The following FRMD4A variants were observed in gnomAD, a reference collection of about 807,000 sequenced individuals.
FRMD4A encodes the protein FERM domain containing 4A, also known as FERM domain-containing protein 4A.
A neutral mutation model predicts 129.1 loss-of-function variants in FRMD4A; 29 were observed. The observed-to-expected ratio is 0.22, with a 90% confidence interval of 0.17 to 0.31. FRMD4A has a LOEUF of 0.31. Ranked by LOEUF, FRMD4A falls within the 10% of genes least tolerant of loss-of-function variation. The pLI is 1.00. For synonymous variants in FRMD4A, 634 were observed against 571.6 expected, an observed-to-expected ratio of 1.11 and a Z score of -1.56; for missense variants, 1,272 against 1,375.8, an observed-to-expected ratio of 0.92 and a Z score of 1.19.
rs895907673 is a variant in FRMD4A at position 13,867,934 on chromosome 10, A to T, written c.46-9022T>A. On this transcript the variant is annotated intron_variant, in intron 2 of 24. Coordinates refer to ENST00000357447, the MANE Select transcript of FRMD4A (RefSeq NM_018027.5). ...TAATATAATATATAATAAATAATATATATATAATAAATACTATATATGTTT... is the reference window on the plus strand; with the variant it reads ...TAATATAATATATAATAAATAATATTTATATAATAAATACTATATATGTTT... 1.5e-4 allele frequency among the ~76,000 whole-genome samples: 22 copies of T among 143,976 alleles called. No homozygotes were observed. In the South Asian group the frequency reaches 3.8e-3, roughly 25 times the overall value. 94.5% of individuals were successfully genotyped at this position (143,976 alleles called of 152,430 possible).
intron 8 of FRMD4A, among the ~76,000 whole-genome samples, chr10:13,757,780 G>T (rs1346637246): frequency 1.3e-5 from 2 of 152,118 alleles, no homozygotes; most frequent in African/African-American, 2.4e-5. Context: ...TTTTGCTCTT[G>T]TCACCCAGGC....
intron 22 of FRMD4A, among the ~76,000 whole-genome samples, chr10:13,656,119 C>T (rs2082120284): frequency 6.6e-6 from 1 of 152,100 alleles, no homozygotes; most frequent in Non-Finnish European, 1.5e-5. Flanking sequence ...CAGGAGCAGC[C>T]AGGAATTCTG....
chr10:14,148,072 T>G (rs575600598), intron 2 of FRMD4A, among the ~76,000 whole-genome samples: 4 of 152,314 alleles, frequency 2.6e-5, no homozygotes, highest in African/African-American at 9.6e-5. Context: ...TCTCATTCCC[T>G]TAAGAGGAAA....
intron 2 of FRMD4A, among the ~76,000 whole-genome samples, chr10:14,268,232 C>T (rs1845045874): frequency 6.6e-6 from 1 of 152,184 alleles, no homozygotes; most frequent in African/African-American, 2.4e-5. Flanking sequence ...TAATGGTCAA[C>T]TTATGGCACA....
chr10:14,131,911 C>T (rs1280374318), intron 2 of FRMD4A, among the ~76,000 whole-genome samples: 1 of 152,162 alleles, frequency 6.6e-6, no homozygotes, highest in Non-Finnish European at 1.5e-5. Context: ...ATCGCCCTGA[C>T]CGAAGACCCC....
chr10:13,712,877 T>C (rs1039906785), intron 12 of FRMD4A, among the ~76,000 whole-genome samples: 4 of 152,204 alleles, frequency 2.6e-5, no homozygotes, highest in African/African-American at 4.8e-5. Context: ...AGTTACTGGT[T>C]TCTATTAGAT....
At chr10:14,206,648 C>T (rs574026218) in intron 2 of FRMD4A, among the ~76,000 whole-genome samples, 2 of 149,666 alleles carry the variant, frequency 1.3e-5, no homozygotes, top group African/African-American at 4.9e-5. Flanking sequence ...AAAATAAATA[C>T]AAAAAAAAAT....
chr10:14,024,048 T>G (rs977969776), intron 2 of FRMD4A, among the ~76,000 whole-genome samples: 2 of 152,240 alleles, frequency 1.3e-5, no homozygotes, highest in African/African-American at 4.8e-5. Flanking sequence ...CTGAAGCTGC[T>G]TTGATCTCTT....
chr10:13,916,070 A>G (rs1411041274), intron 2 of FRMD4A, among the ~76,000 whole-genome samples: 1 of 152,238 alleles, frequency 6.6e-6, no homozygotes, highest in East Asian at 1.9e-4. Flanking sequence ...AATGGCACTG[A>G]CGGCAGGTCA....
At chr10:13,908,603 A>G (rs12242175) in intron 2 of FRMD4A, among the ~76,000 whole-genome samples, 6,513 of 152,276 alleles carry the variant, frequency 0.043, 470 homozygotes, top group African/African-American at 0.15. Context: ...TCCAGCTGAG[A>G]GACAAGTTAC....
intron 5 of FRMD4A, among the ~76,000 whole-genome samples, chr10:13,783,956 A>C (rs965875349): frequency 1.3e-5 from 2 of 152,218 alleles, no homozygotes; most frequent in Admixed American, 6.5e-5. Context: ...CTTTAATGAG[A>C]TAATGCGCTT....
At chr10:13,962,789 G>T (rs2131363360) in intron 2 of FRMD4A, among the ~76,000 whole-genome samples, 1 of 152,292 alleles carries the variant, frequency 6.6e-6, no homozygotes, top group African/African-American at 2.4e-5. Flanking sequence ...GCATATGGCG[G>T]GAGAGACAGA....
intron 2 of FRMD4A, among the ~76,000 whole-genome samples, chr10:14,104,126 T>C (rs1837454836): frequency 6.6e-6 from 1 of 152,162 alleles, no homozygotes; most frequent in Non-Finnish European, 1.5e-5. Flanking sequence ...CATCAAGGTC[T>C]ACACTGCCAT....
At chr10:14,111,231 C>T (rs1372349460) in intron 2 of FRMD4A, among the ~76,000 whole-genome samples, 1 of 152,138 alleles carries the variant, frequency 6.6e-6, no homozygotes, top group East Asian at 1.9e-4. Flanking sequence ...AAGTGGAATC[C>T]TACATTATTT....
chr10:14,121,532 G>C (rs1838517869), intron 2 of FRMD4A, among the ~76,000 whole-genome samples: 1 of 152,134 alleles, frequency 6.6e-6, no homozygotes, highest in Non-Finnish European at 1.5e-5. Flanking sequence ...TTTAAAAGAG[G>C]GGCTATCAGC....
intron 2 of FRMD4A, among the ~76,000 whole-genome samples, chr10:14,284,640 G>T (rs1003759170): frequency 6.6e-6 from 1 of 152,168 alleles, no homozygotes; most frequent in African/African-American, 2.4e-5. Context: ...GCGACAGAGG[G>T]AAACTCCGTC....
At chr10:13,823,561 T>C (rs1319378138) in intron 3 of FRMD4A, among the ~76,000 whole-genome samples, 3 of 152,326 alleles carry the variant, frequency 2.0e-5, no homozygotes, top group Middle Eastern at 3.4e-3. Context: ...CCATCTTCCA[T>C]GGCCATCTGG....
chr10:14,107,226 G>T (rs952925199), intron 2 of FRMD4A, among the ~76,000 whole-genome samples: 2 of 152,134 alleles, frequency 1.3e-5, no homozygotes, highest in Admixed American at 6.5e-5. Context: ...AGGGACAAGG[G>T]TTGAAAAACT....
chr10:13,877,061 G>A (rs1031778269), intron 2 of FRMD4A, among the ~76,000 whole-genome samples: 2 of 152,122 alleles, frequency 1.3e-5, no homozygotes, highest in Non-Finnish European at 2.9e-5. Flanking sequence ...AAGAGTTGGG[G>A]AATGGGCTCT....
Sources: allele counts gnomAD v4.1 joint callset (sites outside exome capture counted in the v4.1 genomes callset), GRCh38; gene constraint gnomAD v4.1.1; transcripts MANE v1.5; gene names NCBI Gene and HGNC (gene_info 2026-07-23, HGNC 2026-07-21).